Variants in TMEM35A observed in about 807,000 individuals in gnomAD.
TMEM35A encodes transmembrane protein 35A, also known as nicotinic acetylcholine receptor chaperone.
For synonymous variants in TMEM35A, 50 were observed against 54.7 expected (o/e 0.91, Z 0.38); for missense variants, 83 against 132.7 (o/e 0.63, Z 1.84).
At chrX:101,086,952 C>CTTTTTTTT (rs144682101) in intron 1 of TMEM35A, among the ~76,000 whole-genome samples, 1 of 72,700 alleles carries the variant, frequency 1.4e-5, no homozygotes, top group Non-Finnish European at 2.5e-5. Context: ...TAATAGGATT[C>CTTTTTTTT]TTTTTTTTTT....
Position 101,094,671 on chromosome X carries a change from G to T in TMEM35A, c.219G>T (p.Val73=). The T allele has an allele frequency of 8.3e-7, 1 of 1,211,501 alleles. No homozygotes were observed. ...LLRKSIGALE[V]ACGIVMTLVP... is the part of the protein sequence containing the mutation. Reference sequence around the variant, plus strand: ...GAAAAAGCATTGGTGCCCTTGAAGTGGCCTGTGGCATCGTCATGACCCTTG... The same window carrying T: ...GAAAAAGCATTGGTGCCCTTGAAGTTGCCTGTGGCATCGTCATGACCCTTG... The change falls in exon 2 of 2, where the codon GTG becomes GTT. Residue 73 remains valine (V), a synonymous_variant. Coordinates refer to ENST00000372930, the MANE Select transcript of TMEM35A (RefSeq NM_021637.3).
chrX:101,079,396 C>CCTTCTG (rs1269802434), intron 1 of TMEM35A, among the ~76,000 whole-genome samples: 8 of 111,490 alleles, frequency 7.2e-5, no homozygotes, highest in African/African-American at 2.6e-4. Context: ...CTGAGACCTG[C>CCTTCTG]GTAGCACCTG....
rs2089334236 is a variant in TMEM35A, at chrX:101,094,864, C to T, written c.412C>T (p.Arg138Trp). The T allele has an allele frequency of 5.8e-6, 7 of 1,210,352 alleles. No homozygotes were observed. The highest frequency in any genetic ancestry group is 7.8e-6 in the Non-Finnish European group (7 of 895,468). Residue 138 changes from arginine to tryptophan, a missense_variant, in exon 2 of 2, where the codon CGG becomes TGG. Physicochemically the swap from Arg to Trp is moderately radical, Grantham distance 101. Coordinates refer to ENST00000372930, the MANE Select transcript of TMEM35A (RefSeq NM_021637.3). ...RLLIARKPED[R>W]SSEKKPLPGN... The stretch of plus-strand genomic sequence containing the variant: ...GCTGATTGCTCGCAAGCCCGAAGAC[C>T]GGTCTTCTGAGAAGAAGCCTTTGCC...
At chrX:101,086,327 G>A (rs955347491) in intron 1 of TMEM35A, among the ~76,000 whole-genome samples, 1 of 111,615 alleles carries the variant, frequency 9.0e-6, no homozygotes, top group African/African-American at 3.3e-5. Flanking sequence ...TGCCATGTTG[G>A]CCGGGCTGGT....
intron 1 of TMEM35A, among the ~76,000 whole-genome samples, chrX:101,088,425 A>T (rs909199737): frequency 9.0e-6 from 1 of 110,623 alleles, no homozygotes; most frequent in Non-Finnish European, 1.9e-5. Context: ...AGGCCTAGGC[A>T]ACATAGTGAG....
At chrX:101,082,133 C>CTT in intron 1 of TMEM35A, among the ~76,000 whole-genome samples, 556 of 20,414 alleles carry the variant, frequency 0.027, 9 homozygotes, top group Middle Eastern at 0.045. Context: ...TTCTTTCTTT[C>CTT]TTTTTTTTTT....
intron 1 of TMEM35A, among the ~76,000 whole-genome samples, chrX:101,093,090 G>A (rs942497497): frequency 4.5e-5 from 5 of 110,590 alleles, no homozygotes; most frequent in Admixed American, 9.7e-5. Flanking sequence ...CTCCAGCTTC[G>A]CTCTTTTCTG....
intron 1 of TMEM35A, among the ~76,000 whole-genome samples, chrX:101,082,107 G>A (rs148965490): frequency 0.065 from 2,968 of 45,340 alleles, 151 homozygotes; most frequent in African/African-American, 0.19. Context: ...TTTTTGATTT[G>A]ATTTCTTTTT....
intron 1 of TMEM35A, among the ~76,000 whole-genome samples, chrX:101,085,555 C>T (rs1001727177): frequency 4.5e-5 from 5 of 110,591 alleles, no homozygotes; most frequent in East Asian, 2.8e-4. Flanking sequence ...GAGCCGAGAT[C>T]GTGCAGCTGC....
At chrX:101,085,979 AT>A (rs2089306272) in intron 1 of TMEM35A, among the ~76,000 whole-genome samples, 1 of 111,614 alleles carries the variant, frequency 9.0e-6, no homozygotes, top group South Asian at 3.8e-4. Context: ...ATAACAAAAA[AT>A]AAAAGGCTCC....
chrX:101,092,213 A>G (rs770444300), intron 1 of TMEM35A, among the ~76,000 whole-genome samples: 1 of 111,479 alleles, frequency 9.0e-6, no homozygotes, highest in East Asian at 2.8e-4. Flanking sequence ...AAAGAAAAGA[A>G]AAAAGAGAAA....
Position 101,095,298 on chromosome X carries a change from T to C in TMEM35A, c.*342T>C, listed in dbSNP as rs2089336093. On this transcript the variant is annotated 3_prime_UTR_variant, in exon 2 of 2. Coordinates refer to ENST00000372930, the MANE Select transcript of TMEM35A (RefSeq NM_021637.3). ...TGTATTTAACTACTCTGTGTGTGTG[T>C]GTGTGTGTGTGTGCGCGCGCGCGCG... 1 of 104,868 alleles carries C rather than the reference T, an allele frequency of 9.5e-6. No individual in the cohort carries two copies. The highest frequency in any genetic ancestry group is 1.2e-4 in the Admixed American group (1 of 8,413). The allele number at this position is 104,868 out of a possible 1,213,427, so 8.6% of individuals were successfully genotyped here. A position where few individuals can be genotyped will look rare whatever the true frequency, so the allele number is the denominator to read the frequency against.
At chrX:101,082,637 C>CAT (rs1387429493) in intron 1 of TMEM35A, among the ~76,000 whole-genome samples, 6 of 109,327 alleles carry the variant, frequency 5.5e-5, no homozygotes, top group Non-Finnish European at 7.6e-5. Context: ...TGAAATCAAG[C>CAT]ATATATATAT....
intron 1 of TMEM35A, among the ~76,000 whole-genome samples, chrX:101,088,326 T>C (rs1569495814): frequency 8.9e-6 from 1 of 112,910 alleles, no homozygotes; most frequent in Non-Finnish European, 1.9e-5. Flanking sequence ...AAATGGCCCT[T>C]ACTGGGCAAC....
In TMEM35A at chrX:101,094,893, G is replaced by C. The variant is rs771910695; in HGVS notation, c.441G>C (p.Gly147=). The C allele has an allele frequency of 8.3e-7, 1 of 1,208,492 alleles. No homozygotes were observed. The highest frequency in any genetic ancestry group is 1.1e-6 in the Non-Finnish European group (1 of 895,008). Residue 147 remains glycine, a synonymous_variant, in exon 2 of 2, where the codon GGG becomes GGC. Coordinates refer to ENST00000372930, the MANE Select transcript of TMEM35A (RefSeq NM_021637.3). ...CTTCTGAGAAGAAGCCTTTGCCAGG[G>C]AATGCTGAGGAGCAACCCTCCTTAT... The part of the protein sequence containing the change: ...DRSSEKKPLP[G]NAEEQPSLYE...
intron 1 of TMEM35A, among the ~76,000 whole-genome samples, chrX:101,087,596 A>G (rs1652470719): frequency 8.9e-6 from 1 of 111,861 alleles, no homozygotes; most frequent in African/African-American, 3.2e-5. Flanking sequence ...AGTTATAGGA[A>G]CTTGATTTAA....
At chrX:101,093,644 A>G (rs976551899) in intron 1 of TMEM35A, among the ~76,000 whole-genome samples, 3 of 112,506 alleles carry the variant, frequency 2.7e-5, no homozygotes, top group African/African-American at 9.7e-5. Context: ...TTTATGATTT[A>G]TAATCATAAA....
chrX:101,086,134 T>C (rs1190731149), intron 1 of TMEM35A, among the ~76,000 whole-genome samples: 2 of 110,851 alleles, frequency 1.8e-5, no homozygotes, highest in Non-Finnish European at 3.8e-5. Context: ...TTTGTTTTTG[T>C]TTTTGAGACA....
intron 1 of TMEM35A, among the ~76,000 whole-genome samples, chrX:101,089,533 T>G (rs57797950): frequency 0.098 from 10,141 of 103,905 alleles, 1,352 homozygotes; most frequent in African/African-American, 0.34. Context: ...AGCGGCAGGA[T>G]CACTTTGGAA....
Sources: allele counts gnomAD v4.1 joint callset (sites outside exome capture counted in the v4.1 genomes callset), GRCh38; gene constraint gnomAD v4.1.1; transcripts MANE v1.5; gene names NCBI Gene and HGNC (gene_info 2026-07-23, HGNC 2026-07-21).